Variants in CENPM observed in about 807,000 individuals in gnomAD.
The protein encoded by CENPM is interphase centromere complex protein 39.
In CENPM, 14 loss-of-function variants were observed where a neutral mutation model predicts 19.6. That is an observed-to-expected ratio of 0.71 (90% CI 0.47 to 1.11). The LOEUF (loss-of-function observed/expected upper bound fraction) is 1.11. Ranked by LOEUF, CENPM falls within the 50% of genes most tolerant of loss-of-function variation. CENPM has a pLI of 0.00. For missense variants in CENPM, 239 were observed against 228.4 expected, an observed-to-expected ratio of 1.05 and a Z score of -0.30; for synonymous variants, 114 against 101.5, an observed-to-expected ratio of 1.12 and a Z score of -0.74.
downstream of CENPM, among the ~76,000 whole-genome samples, chr22:41,936,166 G>A (rs2077682900): frequency 6.6e-6 from 1 of 152,180 alleles, no homozygotes; most frequent in Non-Finnish European, 1.5e-5. Flanking sequence ...CACTGCGCCT[G>A]GCCTCCAAAC....
chr22:41,933,216 T>G, the CENPM span, among the ~76,000 whole-genome samples: 1 of 151,962 alleles, frequency 6.6e-6, no homozygotes, highest in Non-Finnish European at 1.5e-5. Flanking sequence ...CTCAGCCCTG[T>G]GTGGGGCTAG....
chr22:41,931,311 AT>A, the CENPM span, among the ~76,000 whole-genome samples: 2,549 of 145,724 alleles, frequency 0.017, 90 homozygotes, highest in African/African-American at 0.059. Context: ...TCTATAAGAA[AT>A]TTAAAAAAAA....
intron 1 of CENPM, 116 bp downstream of exon 1, chr22:41,946,904 C>A (rs2077811803): frequency 3.8e-6 from 4 of 1,057,542 alleles, no homozygotes; most frequent in Non-Finnish European, 5.8e-6. Context: ...CTATTCCCCG[C>A]CCCCGCCACG....
At position 41,947,073 on chromosome 22, in the gene CENPM, A is replaced by G. The variant is rs1166636967; in HGVS notation, c.4T>C (p.Ser2Pro). Residue 2 changes from serine to proline, a missense_variant, in exon 1 of 6, where the codon TCG (serine) becomes CCG (proline). By Grantham distance (74) the Ser-to-Pro change is moderately conservative (BLOSUM62 -1). Coordinates refer to ENST00000215980, the MANE Select transcript of CENPM (RefSeq NM_024053.5). M[S>P]VLRPLDKLPG... Reference sequence around the variant, plus strand: ...AGCTTGTCCAGGGGCCTCAACACCGACATCACAGCCGCAGGACCAACCGTT... The same window carrying G: ...AGCTTGTCCAGGGGCCTCAACACCGGCATCACAGCCGCAGGACCAACCGTT... The G allele has an allele frequency of 2.5e-6, 4 of 1,612,852 alleles. No individual in the cohort carries two copies. The highest frequency in any genetic ancestry group is 3.4e-6 in the Non-Finnish European group (4 of 1,179,912).
chr22:41,935,267 C>T (rs2077678804), downstream of CENPM, among the ~76,000 whole-genome samples: 1 of 152,110 alleles, frequency 6.6e-6, no homozygotes, highest in African/African-American at 2.4e-5. Context: ...AGAGAGGTGC[C>T]CCATGCGGGC....
chr22:41,943,057 A>G (rs1039044073), intron 5 of CENPM, among the ~76,000 whole-genome samples: 2 of 152,142 alleles, frequency 1.3e-5, no homozygotes, highest in Non-Finnish European at 2.9e-5. Context: ...ATATGCATCC[A>G]ACCATCTACC....
intron 4 of CENPM, chr22:41,944,326 C>T (rs2077773399): frequency 1.2e-5 from 2 of 170,352 alleles, no homozygotes; most frequent in Non-Finnish European, 2.3e-5. Context: ...ATCCCAGCTA[C>T]TCGGGAGGCT....
downstream of CENPM, among the ~76,000 whole-genome samples, chr22:41,938,330 C>T (rs1177729456): frequency 2.1e-5 from 3 of 143,880 alleles, no homozygotes; most frequent in Admixed American, 1.4e-4. Context: ...TTAGTAGAGA[C>T]AGGGTTTCAC....
At chr22:41,945,042 T>C (rs150687600) in intron 4 of CENPM, 183 bp downstream of exon 4, 40,142 of 1,447,116 alleles carry the variant, frequency 0.028, 689 homozygotes, top group Non-Finnish European at 0.033. Context: ...GTATTAAGCC[T>C]AGTACCCATT....
downstream of CENPM, among the ~76,000 whole-genome samples, chr22:41,937,838 C>T (rs777972073): frequency 1.3e-5 from 2 of 152,100 alleles, no homozygotes; most frequent in African/African-American, 2.4e-5. Flanking sequence ...CCCCTTACCC[C>T]GCCCCACTCC....
intron 2 of CENPM, 110 bp downstream of exon 2, chr22:41,946,304 GAGA>G (rs148136010): frequency 0.012 from 11,300 of 904,308 alleles, 132 homozygotes; most frequent in Admixed American, 0.036. Flanking sequence ...TGCATGCTGG[GAGA>G]AGGACCAGCC....
intron 4 of CENPM, 88 bp from the exon 5 acceptor site, chr22:41,943,789 C>T: frequency 8.7e-7 from 1 of 1,143,416 alleles, no homozygotes; most frequent in Admixed American, 2.2e-5. Flanking sequence ...CTCACTTCCC[C>T]ACTCTGGGGC....
chr22:41,939,764 A>G (rs557935729), intron 5 of CENPM, among the ~76,000 whole-genome samples: 21 of 45,566 alleles, frequency 4.6e-4, no homozygotes, highest in African/African-American at 2.1e-3. Context: ...GATGCTGCCC[A>G]GTGTCTGTCT....
intron 4 of CENPM, chr22:41,944,182 G>A: frequency 1.0e-6 from 1 of 978,874 alleles, no homozygotes; most frequent in Non-Finnish European, 1.2e-6. Flanking sequence ...GGTGGCTCAG[G>A]CCTGTAATCC....
At chr22:41,927,201 T>C in the CENPM span, among the ~76,000 whole-genome samples, 2 of 152,240 alleles carry the variant, frequency 1.3e-5, no homozygotes, top group Middle Eastern at 6.8e-3. Flanking sequence ...ATTACAGGCG[T>C]GAGCCACCGC....
chr22:41,940,386 C>CT (rs2077728815), intron 5 of CENPM, among the ~76,000 whole-genome samples: 1 of 152,078 alleles, frequency 6.6e-6, no homozygotes, highest in Non-Finnish European at 1.5e-5. Flanking sequence ...AAAGCTGGGG[C>CT]TTTTTTTGTT....
downstream of CENPM, among the ~76,000 whole-genome samples, chr22:41,934,301 C>T (rs1215265172): frequency 6.6e-6 from 1 of 152,190 alleles, no homozygotes; most frequent in Non-Finnish European, 1.5e-5. Context: ...CGTGAACTCC[C>T]TGGGGTCCCA....
chr22:41,934,361 T>C (rs115543227), downstream of CENPM, among the ~76,000 whole-genome samples: 624 of 152,280 alleles, frequency 4.1e-3, 5 homozygotes, highest in African/African-American at 0.015. Flanking sequence ...AGTGTGTGAC[T>C]CCGAGTAAGC....
intron 3 of CENPM, 180 bp from the exon 4 acceptor site, chr22:41,945,484 T>C (rs1483232436): frequency 2.0e-5 from 26 of 1,303,916 alleles, no homozygotes; most frequent in Non-Finnish European, 2.5e-5. Context: ...GGAGTTTCAC[T>C]TTGTTGCCCA....
Sources: allele counts gnomAD v4.1 joint callset (sites outside exome capture counted in the v4.1 genomes callset), GRCh38; gene constraint gnomAD v4.1.1; transcripts MANE v1.5; gene names NCBI Gene and HGNC (gene_info 2026-07-23, HGNC 2026-07-21).